Variants in TRMT11 observed in about 807,000 individuals in gnomAD.
TRMT11 encodes tRNA methyltransferase 11.
A neutral mutation model predicts 62.8 loss-of-function variants in TRMT11; 53 were observed. The observed-to-expected ratio is 0.84, with a 90% CI of 0.68 to 1.06. The LOEUF is 1.06. TRMT11 is among the 50% of genes least tolerant of loss of function. The pLI is 0.00. For synonymous variants in TRMT11, 188 were observed against 190.3 expected (o/e 0.99, Z 0.10); for missense variants, 556 against 553.4 (o/e 1.00, Z -0.05).
chr6:126,248,022 T>C, the TRMT11 span, among the ~76,000 whole-genome samples: 12 of 152,102 alleles, frequency 7.9e-5, no homozygotes, highest in Admixed American at 3.9e-4. Context: ...AGAATTCAAC[T>C]TCTTATAAGA....
At chr6:126,083,686 A>C (rs989543928) in intron 17 of TRMT11, among the ~76,000 whole-genome samples, 1 of 152,154 alleles carries the variant, frequency 6.6e-6, no homozygotes, top group Non-Finnish European at 1.5e-5. Flanking sequence ...ATTTTATTAC[A>C]TAAAGTCCTC....
At chr6:126,029,809 G>C (rs1773859737) in intron 12 of TRMT11, among the ~76,000 whole-genome samples, 1 of 152,106 alleles carries the variant, frequency 6.6e-6, no homozygotes, top group South Asian at 2.1e-4. Flanking sequence ...CTTTTATAAA[G>C]TACAGATTCT....
chr6:126,072,971 A>T (rs1032059434), intron 17 of TRMT11, among the ~76,000 whole-genome samples: 2 of 152,210 alleles, frequency 1.3e-5, no homozygotes, highest in African/African-American at 4.8e-5. Context: ...AGTGTGTCTT[A>T]GGATTTCAAC....
intron 17 of TRMT11, among the ~76,000 whole-genome samples, chr6:126,089,248 G>A (rs1219461906): frequency 6.6e-6 from 1 of 151,730 alleles, no homozygotes; most frequent in African/African-American, 2.4e-5. Flanking sequence ...TGAGTAGCTG[G>A]GATTACAGGC....
chr6:126,066,681 T>A (rs149117918), intron 17 of TRMT11, among the ~76,000 whole-genome samples: 2 of 152,254 alleles, frequency 1.3e-5, no homozygotes, highest in East Asian at 3.9e-4. Flanking sequence ...GTTATAACCC[T>A]GTAGTCAGGA....
downstream of TRMT11, among the ~76,000 whole-genome samples, chr6:126,208,052 T>C (rs947966574): frequency 6.6e-6 from 1 of 152,184 alleles, no homozygotes; most frequent in Non-Finnish European, 1.5e-5. Context: ...AGAAAAAATA[T>C]TAAACGTGCA....
the TRMT11 span, among the ~76,000 whole-genome samples, chr6:126,229,330 A>C: frequency 2.9e-3 from 438 of 152,352 alleles, no homozygotes; most frequent in African/African-American, 0.01. Context: ...ATTTCTTCAA[A>C]ATGCTGTCTC....
the TRMT11 span, among the ~76,000 whole-genome samples, chr6:126,272,299 T>A: frequency 1.3e-5 from 2 of 152,222 alleles, no homozygotes; most frequent in Admixed American, 1.3e-4. Flanking sequence ...CTCTGAGTAT[T>A]TATTTTAAAA....
the TRMT11 span, among the ~76,000 whole-genome samples, chr6:126,248,386 T>A: frequency 1.3e-5 from 2 of 152,142 alleles, no homozygotes; most frequent in African/African-American, 2.4e-5. Flanking sequence ...TCTCTCAAAT[T>A]GTTCAGGAAA....
intron 7 of TRMT11, among the ~76,000 whole-genome samples, chr6:126,005,453 T>C (rs1446106041): frequency 6.6e-6 from 1 of 152,068 alleles, no homozygotes; most frequent in African/African-American, 2.4e-5. Context: ...TTGTGAGGAT[T>C]AAGTGAGGCA....
intron 12 of TRMT11, among the ~76,000 whole-genome samples, 194 bp from the exon 13 acceptor site, chr6:126,038,511 A>G (rs185974666): frequency 6.6e-6 from 1 of 151,892 alleles, no homozygotes; most frequent in Non-Finnish European, 1.5e-5. Flanking sequence ...AATGAGGTAA[A>G]TGAAAACACT....
At chr6:126,210,940 C>T in the TRMT11 span, among the ~76,000 whole-genome samples, 1 of 151,128 alleles carries the variant, frequency 6.6e-6, no homozygotes, top group East Asian at 1.9e-4. Context: ...GTATGCCCTT[C>T]CCTGTAGCTT....
chr6:126,069,612 C>A (rs867415551), intron 17 of TRMT11, among the ~76,000 whole-genome samples: 1 of 152,212 alleles, frequency 6.6e-6, no homozygotes, highest in Admixed American at 6.5e-5. Flanking sequence ...TGCGAAGCTG[C>A]GTGTTATCCT....
At chr6:126,007,886 T>A (rs1793599054) in intron 7 of TRMT11, among the ~76,000 whole-genome samples, 1 of 152,090 alleles carries the variant, frequency 6.6e-6, no homozygotes, top group African/African-American at 2.4e-5. Flanking sequence ...AGTTAATTCT[T>A]ACAAAAATTA....
At chr6:126,262,275 G>A in the TRMT11 span, among the ~76,000 whole-genome samples, 9 of 152,314 alleles carry the variant, frequency 5.9e-5, no homozygotes, top group East Asian at 1.7e-3. Context: ...ACATGAACTT[G>A]CCGTCCAGCC....
chr6:126,204,812 A>G (rs988031384), downstream of TRMT11, among the ~76,000 whole-genome samples: 9 of 152,258 alleles, frequency 5.9e-5, no homozygotes, highest in Admixed American at 3.9e-4. Flanking sequence ...GCCTACAGCA[A>G]TAGCAACACT....
chr6:126,004,621 C>T (rs1324884109), intron 7 of TRMT11, among the ~76,000 whole-genome samples: 1 of 151,966 alleles, frequency 6.6e-6, no homozygotes, highest in African/African-American at 2.4e-5. Context: ...TCTCCATGGC[C>T]ATAGTTTTCA....
At position 126,102,253 on chromosome 6, in the gene TRMT11, A is replaced by G. The variant is rs1777410079; in HGVS notation, c.*1438-10613A>G. Reference sequence around the variant, plus strand: ...GAATGTGTCCATGGTAGCCAACCCTATATTAAATAAAGTTTGAACTAACTA... The same window carrying G: ...GAATGTGTCCATGGTAGCCAACCCTGTATTAAATAAAGTTTGAACTAACTA... On this transcript the variant is annotated intron_variant and NMD_transcript_variant, in intron 17 of 22. Coordinates refer to the TRMT11 transcript ENST00000648977. Among the ~76,000 whole-genome samples, 6 of 152,196 alleles carry G rather than the reference A, an allele frequency of 3.9e-5. No homozygotes were observed. In the South Asian group the frequency reaches 1.2e-3, roughly 32 times the overall value.
chr6:125,999,645 A>T, intron 7 of TRMT11, 32 bp downstream of exon 7: 2 of 1,555,510 alleles, frequency 1.3e-6, no homozygotes, highest in Non-Finnish European at 1.7e-6. Context: ...GCTAGTGTAG[A>T]GATGTTGCTT....
Sources: gnomAD v4.1 joint callset for allele counts (sites outside exome capture counted in the v4.1 genomes callset) on GRCh38, gnomAD v4.1.1 for gene constraint, MANE v1.5 for transcripts, NCBI Gene and HGNC (gene_info 2026-07-23, HGNC 2026-07-21) for gene names.